The following ANOS1 variants were observed in gnomAD, a reference collection of about 807,000 sequenced individuals.
ANOS1 encodes the protein anosmin-1.
In ANOS1, 6 loss-of-function variants were observed where a neutral mutation model predicts 59.0. The ratio of observed to expected loss-of-function variants is 0.10; its 90% CI spans 0.06 to 0.20. The LOEUF (loss-of-function observed/expected upper bound fraction) is 0.20. Ranked by LOEUF, ANOS1 falls within the 10% of genes least tolerant of loss-of-function variation. The pLI is 1.00. For missense variants in ANOS1, 433 were observed against 542.3 expected (o/e 0.80, Z 2.00); for synonymous variants, 217 against 223.4 (o/e 0.97, Z 0.25).
intron 3 of ANOS1, among the ~76,000 whole-genome samples, chrX:8,619,528 T>G (rs377435479): frequency 9.0e-6 from 1 of 110,727 alleles, no homozygotes; most frequent in Non-Finnish European, 1.9e-5. Flanking sequence ...TGCTGGAACC[T>G]GGGAGGCAGA....
intron 2 of ANOS1, among the ~76,000 whole-genome samples, chrX:8,626,310 A>G (rs748551134): frequency 9.1e-6 from 1 of 110,012 alleles, no homozygotes; most frequent in East Asian, 2.9e-4. Context: ...CTTGCTTCAT[A>G]TAAGTGCCAT....
intron 10 of ANOS1, among the ~76,000 whole-genome samples, chrX:8,538,216 G>T (rs1048632621): frequency 8.9e-6 from 1 of 111,808 alleles, no homozygotes; most frequent in African/African-American, 3.3e-5. Context: ...TCTTTACATG[G>T]GACTATACTG....
chrX:8,543,487 T>G (rs1434491265), intron 9 of ANOS1, among the ~76,000 whole-genome samples: 1 of 111,505 alleles, frequency 9.0e-6, no homozygotes, highest in Non-Finnish European at 1.9e-5. Context: ...TCCTTAGCTT[T>G]ATCTTGCTAA....
chrX:8,610,006 CAAAAAAAA>C (rs1167209336), intron 3 of ANOS1, among the ~76,000 whole-genome samples: 2 of 9,163 alleles, frequency 2.2e-4, no homozygotes, highest in Non-Finnish European at 5.6e-4. Context: ...GACTCCATCT[CAAAAAAAA>C]AAAAAAAAAA....
chrX:8,568,339 T>C lies in ANOS1; in HGVS notation c.1100A>G (p.Asp367Gly), dbSNP rs1385966957. ...TTGCAATTCCACAACATAGTCACAG[T>C]CTGGCTGGAGTTTCTCCAGGATCAC... ...NSVILEKLQP[D>G]CDYVVELQAI... is the part of the protein sequence containing the mutation. Residue 367 changes from aspartate (D) to glycine (G), a missense_variant, in exon 8 of 14, where the codon GAC becomes GGC. Coordinates refer to ENST00000262648, the MANE Select transcript of ANOS1 (RefSeq NM_000216.4). The C allele has an allele frequency of 1.5e-5, 18 of 1,210,399 alleles. No individual in the cohort carries two copies. The highest frequency in any genetic ancestry group is 2.3e-4 in the Middle Eastern group (1 of 4,346).
intron 9 of ANOS1, among the ~76,000 whole-genome samples, chrX:8,545,382 GGGAAGGAAGGAA>G (rs56104485): frequency 1.6e-4 from 16 of 99,065 alleles, no homozygotes; most frequent in African/African-American, 5.0e-4. Flanking sequence ...GGAAAGGAAA[GGGAAGGAAGGAA>G]GGAAGGAAGG....
chrX:8,661,583 A>T (rs1932038910), intron 2 of ANOS1, among the ~76,000 whole-genome samples: 1 of 112,320 alleles, frequency 8.9e-6, no homozygotes, highest in South Asian at 3.7e-4. Context: ...TACAGCCCGT[A>T]ACAGTAGACT....
At chrX:8,637,295 C>T (rs1931588534) in intron 2 of ANOS1, among the ~76,000 whole-genome samples, 1 of 111,806 alleles carries the variant, frequency 8.9e-6, no homozygotes, top group Admixed American at 9.5e-5. Context: ...CTTGTTATCC[C>T]CTTGACTGAA....
At chrX:8,697,282 G>A (rs1932697642) in intron 2 of ANOS1, among the ~76,000 whole-genome samples, 1 of 111,732 alleles carries the variant, frequency 8.9e-6, no homozygotes, top group African/African-American at 3.3e-5. Flanking sequence ...CAAAGTTGGG[G>A]ACAGAGCACA....
At chrX:8,632,527 T>A (rs149314875) in intron 2 of ANOS1, among the ~76,000 whole-genome samples, 1 of 111,674 alleles carries the variant, frequency 9.0e-6, no homozygotes, top group East Asian at 2.8e-4. Flanking sequence ...CTCAAGCATG[T>A]TCTAATAATT....
chrX:8,549,905 A>C (rs1242601765), intron 9 of ANOS1, among the ~76,000 whole-genome samples: 1 of 112,263 alleles, frequency 8.9e-6, no homozygotes, highest in Non-Finnish European at 1.9e-5. Flanking sequence ...GGATTGTATT[A>C]ATCTGACCAG....
intron 8 of ANOS1, among the ~76,000 whole-genome samples, chrX:8,567,746 A>T (rs1367436282): frequency 9.0e-6 from 1 of 111,567 alleles, no homozygotes; most frequent in Non-Finnish European, 1.9e-5. Flanking sequence ...GTGAGCTGAG[A>T]TCACGCCATT....
chrX:8,590,581 T>C (rs1930599984), intron 4 of ANOS1, among the ~76,000 whole-genome samples: 1 of 112,024 alleles, frequency 8.9e-6, no homozygotes, highest in South Asian at 3.7e-4. Flanking sequence ...TAATGATGCC[T>C]GTCTTTCCAT....
intron 6 of ANOS1, among the ~76,000 whole-genome samples, chrX:8,579,747 C>G (rs939395896): frequency 9.0e-6 from 1 of 111,594 alleles, no homozygotes; most frequent in African/African-American, 3.3e-5. Flanking sequence ...ACGCTAGGAA[C>G]AGCTGCAGAC....
intron 1 of ANOS1, among the ~76,000 whole-genome samples, chrX:8,700,696 T>C (rs905169177): frequency 3.6e-5 from 4 of 112,195 alleles, no homozygotes; most frequent in Admixed American, 1.9e-4. Context: ...AATGAAACAA[T>C]AGATACACTC....
chrX:8,614,866 A>AAAAAAATAAAAAAAATTTTATATTTTAT (rs750685412), intron 3 of ANOS1, among the ~76,000 whole-genome samples: 22 of 104,646 alleles, frequency 2.1e-4, no homozygotes, highest in African/African-American at 6.7e-4. Context: ...GAGTAATATA[A>AAAAAAATAAAAAAAATTTTATATTTTAT]GAAAAATATA....
chrX:8,658,886 G>A (rs754162774), intron 2 of ANOS1, among the ~76,000 whole-genome samples: 2 of 111,289 alleles, frequency 1.8e-5, no homozygotes, highest in African/African-American at 3.3e-5. Context: ...CCAGGAGTTT[G>A]TGACCAGCTT....
At chrX:8,665,727 T>C (rs1932122971) in intron 2 of ANOS1, among the ~76,000 whole-genome samples, 1 of 112,521 alleles carries the variant, frequency 8.9e-6, no homozygotes, top group African/African-American at 3.2e-5. Context: ...TTATATAAGT[T>C]ACTAGTATTG....
At chrX:8,721,068 G>A (rs1181954551) in intron 1 of ANOS1, among the ~76,000 whole-genome samples, 2 of 111,872 alleles carry the variant, frequency 1.8e-5, no homozygotes, top group Non-Finnish European at 3.8e-5. Flanking sequence ...AATGAATTGG[G>A]TGGGTACGTG....
Sources: allele counts gnomAD v4.1 joint callset (sites outside exome capture counted in the v4.1 genomes callset), GRCh38; gene constraint gnomAD v4.1.1; transcripts MANE v1.5; gene names NCBI Gene and HGNC (gene_info 2026-07-23, HGNC 2026-07-21).